The following ALG2 variants were observed in gnomAD, a reference collection of about 807,000 sequenced individuals.
ALG2 encodes ALG2 alpha-1,3/1,6-mannosyltransferase, also known as alpha-1,3/1,6-mannosyltransferase ALG2.
A neutral mutation model predicts 30.5 loss-of-function variants in ALG2; 32 were observed. The ratio of observed to expected loss-of-function variants is 1.05; its 90% CI spans 0.79 to 1.41. ALG2 has a LOEUF of 1.41. Ranked by LOEUF, ALG2 falls within the 40% of genes most tolerant of loss-of-function variation. The pLI is 0.00. For synonymous variants in ALG2, 253 were observed against 224.8 expected, an observed-to-expected ratio of 1.13 and a Z score of -1.12; for missense variants, 574 against 526.4, an observed-to-expected ratio of 1.09 and a Z score of -0.88.
chr9:99,217,488 G>C lies in ALG2; in HGVS notation c.*446C>G. 2.2e-6 allele frequency: 1 copy of C among 454,784 alleles called. No homozygotes were observed. Among genetic ancestry groups the C allele is most frequent in the South Asian group, 1.6e-5 (1 of 64,472 alleles). The allele number at this position is 454,784 out of a possible 1,614,324, so 28.2% of individuals were successfully genotyped here. On this transcript the variant is annotated 3_prime_UTR_variant, in exon 2 of 2. Coordinates refer to ENST00000476832, the MANE Select transcript of ALG2 (RefSeq NM_033087.4). ...CAGGACAAACAAAAATTCCCTAACAGATGACAGTGAACACTTCGGTGGATT... is the reference window on the plus strand; with the variant it reads ...CAGGACAAACAAAAATTCCCTAACACATGACAGTGAACACTTCGGTGGATT...
At position 99,218,790 on chromosome 9, in the gene ALG2, T is replaced by A; in HGVS notation, c.395A>T (p.Lys132Met). The change falls in exon 2 of 2, where the codon AAG becomes ATG. Residue 132 changes from lysine to methionine, a missense_variant. Coordinates refer to ENST00000476832, the MANE Select transcript of ALG2 (RefSeq NM_033087.4). ...TGGGAAGTGACAGTAAAATAGGATC[T>A]TCTTCCGCCGTCTAGCCAGCCTGAA... is the stretch of plus-strand genomic sequence containing the variant. ...PVFRLARRRKKILFYCHFPDL... is the reference protein window; with the variant it reads ...PVFRLARRRKMILFYCHFPDL... 6.2e-6 allele frequency: 10 copies of A among 1,610,758 alleles called. No homozygotes were observed. The highest frequency in any genetic ancestry group is 8.5e-6 in the Non-Finnish European group (10 of 1,180,018).
chr9:99,220,677 G>C (rs1246384109), intron 1 of ALG2, among the ~76,000 whole-genome samples: 2 of 152,074 alleles, frequency 1.3e-5, no homozygotes, highest in African/African-American at 4.8e-5. Context: ...TGCTGAAAAA[G>C]ATGCCTAATA....
intron 1 of ALG2, 104 bp from the exon 2 acceptor site, chr9:99,218,940 T>A (rs943011983): frequency 8.1e-7 from 1 of 1,230,108 alleles, no homozygotes; most frequent in African/African-American, 1.5e-5. Context: ...GGGCTCCTCA[T>A]GGGCAATGTC....
chr9:99,218,766 G>A lies in ALG2; in HGVS notation c.419C>T (p.Pro140Leu). The A allele has an allele frequency of 1.2e-6, 2 of 1,613,576 alleles. No individual in the cohort carries two copies. The highest frequency in any genetic ancestry group is 1.7e-6 in the Non-Finnish European group (2 of 1,180,028). The change falls in exon 2 of 2, where the codon CCA (proline) becomes CTA (leucine). Residue 140 changes from proline (P) to leucine (L), a missense_variant. Physicochemically the swap from Pro to Leu is moderately conservative, Grantham distance 98 (BLOSUM62 -3). Transcript: ENST00000476832. ...RKKILFYCHF[P>L]DLLLTKRDSF... Reference sequence around the variant, plus strand: ...ATCTCTCTTGGTGAGAAGCAGATCTGGGAAGTGACAGTAAAATAGGATCTT... The same window carrying A: ...ATCTCTCTTGGTGAGAAGCAGATCTAGGAAGTGACAGTAAAATAGGATCTT...
intron 1 of ALG2, chr9:99,221,155 A>G (rs1828793066): frequency 7.3e-7 from 1 of 1,364,856 alleles, no homozygotes; most frequent in Non-Finnish European, 9.7e-7. Flanking sequence ...GAGAGTCAAC[A>G]AAAATAACAG....
Position 99,216,732 on chromosome 9 carries a change from G to A in ALG2, c.*1202C>T, listed in dbSNP as rs565984629. The A allele has an allele frequency of 1.8e-5, 8 of 452,210 alleles. No individual in the cohort carries two copies. The East Asian group carries it at 2.1e-4, about 12-fold the overall frequency. The allele number at this position is 452,210 out of a possible 1,614,324, so 28.0% of individuals were successfully genotyped here. A position where few individuals can be genotyped will look rare whatever the true frequency, so the allele number is the denominator to read the frequency against. On this transcript the variant is annotated 3_prime_UTR_variant, in exon 2 of 2. Transcript: ENST00000476832. Reference sequence around the variant, plus strand: ...AATATTATCATAATCTGTTATAACCGCACTATGAGGAAAGTAGAATAGTAC... The same window carrying A: ...AATATTATCATAATCTGTTATAACCACACTATGAGGAAAGTAGAATAGTAC...
Position 99,216,924 on chromosome 9 carries a change from T to A in ALG2, c.*1010A>T, listed in dbSNP as rs1828702411. 1 of 454,006 alleles carries A rather than the reference T, an allele frequency of 2.2e-6. No homozygotes were observed. The allele number at this position is 454,006 out of a possible 1,614,324, so 28.1% of individuals were successfully genotyped here. A position where few individuals can be genotyped will look rare whatever the true frequency, so the allele number is the denominator to read the frequency against. On this transcript the variant is annotated 3_prime_UTR_variant, in exon 2 of 2. Coordinates refer to ENST00000476832, the MANE Select transcript of ALG2 (RefSeq NM_033087.4). ...AAATGAATTTAGCCTTAGAAGTATG[T>A]TGAAAACTACTGTTTATGATTTGCT...
rs573607342 is a variant in ALG2, at chr9:99,217,079, C to T, written c.*855G>A. ...GAGGTGGCCAGAGGGTCAAAGAAAG[C>T]TTTGCAGCAGTGGCATTTGAGCCAG... On this transcript the variant is annotated 3_prime_UTR_variant, in exon 2 of 2. Coordinates refer to ENST00000476832, the MANE Select transcript of ALG2 (RefSeq NM_033087.4). 4.4e-6 allele frequency: 2 copies of T among 454,114 alleles called. No homozygotes were observed. The highest frequency in any genetic ancestry group is 4.0e-5 in the African/African-American group (2 of 50,124). The allele number at this position is 454,114 out of a possible 1,614,324, so 28.1% of individuals were successfully genotyped here. A position where few individuals can be genotyped will look rare whatever the true frequency, so the allele number is the denominator to read the frequency against.
rs377047079 is a variant in ALG2, at chr9:99,218,736, A to G, written c.449T>C (p.Phe150Ser). The change falls in exon 2 of 2, where the codon TTT (phenylalanine) becomes TCT (serine). Residue 150 changes from phenylalanine to serine, a missense_variant. Coordinates refer to ENST00000476832, the MANE Select transcript of ALG2 (RefSeq NM_033087.4). ...TGGGGCCCTGTATAGTCGTTTAAGAAAAGAATCTCTCTTGGTGAGAAGCAG... is the reference window on the plus strand; with the variant it reads ...TGGGGCCCTGTATAGTCGTTTAAGAGAAGAATCTCTCTTGGTGAGAAGCAG... The part of the protein sequence containing the change: ...PDLLLTKRDS[F>S]LKRLYRAPID... The G allele has an allele frequency of 5.2e-5, 84 of 1,614,018 alleles. No homozygotes were observed. Among genetic ancestry groups the G allele is most frequent in the Admixed American group, 8.3e-5 (5 of 60,008 alleles).
rs1453893455 is a variant in ALG2, at chr9:99,217,793, G to T, written c.*141C>A. On this transcript the variant is annotated 3_prime_UTR_variant, in exon 2 of 2. Coordinates refer to ENST00000476832, the MANE Select transcript of ALG2 (RefSeq NM_033087.4). ...AGTGGACAGGGAGGTGTGGTATATAGGAAAGTGGCTCACATTCAAGACTCA... is the reference window on the plus strand; with the variant it reads ...AGTGGACAGGGAGGTGTGGTATATATGAAAGTGGCTCACATTCAAGACTCA... The T allele has an allele frequency of 4.4e-6, 4 of 908,026 alleles. No individual in the cohort carries two copies. The highest frequency in any genetic ancestry group is 7.0e-6 in the Non-Finnish European group (4 of 570,388). The allele number at this position is 908,026 out of a possible 1,614,324, so 56.2% of individuals were successfully genotyped here.
intron 1 of ALG2, among the ~76,000 whole-genome samples, chr9:99,219,265 A>C (rs993588339): frequency 6.6e-6 from 1 of 152,224 alleles, no homozygotes; most frequent in African/African-American, 2.4e-5. Flanking sequence ...TAACTTTAGC[A>C]CATCTCAGTT....
At chr9:99,221,343 G>A (rs989885883) in intron 1 of ALG2, among the ~76,000 whole-genome samples, 3 of 152,190 alleles carry the variant, frequency 2.0e-5, no homozygotes, top group Non-Finnish European at 4.4e-5. Flanking sequence ...CTTCCTGGAG[G>A]ATGGAACCCC....
intron 1 of ALG2, 28 bp downstream of exon 1, chr9:99,221,519 C>G (rs1265746423): frequency 1.1e-5 from 17 of 1,539,696 alleles, no homozygotes; most frequent in Non-Finnish European, 1.5e-5. Flanking sequence ...GGTCCGCACT[C>G]GCGCAGCCGG....
At position 99,218,377 on chromosome 9, in the gene ALG2, A is replaced by G. The variant is rs1452690081; in HGVS notation, c.808T>C (p.Tyr270His). ...ACATTCTCCAGGACTCTCTCGTCAT[A>G]ACCACCTGCCACGATCAGATGAACC... ...ERVHLIVAGG[Y>H]DERVLENVEH... Residue 270 changes from tyrosine (Y) to histidine (H), a missense_variant, in exon 2 of 2, where the codon TAT becomes CAT. By Grantham distance (83) the Tyr-to-His change is moderately conservative. Coordinates refer to ENST00000476832, the MANE Select transcript of ALG2 (RefSeq NM_033087.4). 6 of 1,614,196 alleles carry G rather than the reference A, an allele frequency of 3.7e-6. No homozygotes were observed. The highest frequency in any genetic ancestry group is 4.2e-6 in the Non-Finnish European group (5 of 1,180,036).
chr9:99,217,138 C>A lies in ALG2; in HGVS notation c.*796G>T. The A allele has an allele frequency of 2.2e-6, 1 of 454,108 alleles. No individual in the cohort carries two copies. Among genetic ancestry groups the A allele is most frequent in the Non-Finnish European group, 4.4e-6 (1 of 226,782 alleles). 28.1% of individuals were successfully genotyped at this position (454,108 alleles called of 1,614,324 possible). A position where few individuals can be genotyped will look rare whatever the true frequency, so the allele number is the denominator to read the frequency against. ...AGATAAAAAACATTTGTGTCCTATA[C>A]TTAGTAGGAGCTTGGTCAAGACAAC... On this transcript the variant is annotated 3_prime_UTR_variant, in exon 2 of 2. Coordinates refer to ENST00000476832, the MANE Select transcript of ALG2 (RefSeq NM_033087.4).
rs776181833 is a variant in ALG2, at chr9:99,216,688, C to G, written c.*1246G>C. Reference sequence around the variant, plus strand: ...AATAGCTAATATATATACTATATGCCAAGTATTAAGTACTTTGTAATATTA... The same window carrying G: ...AATAGCTAATATATATACTATATGCGAAGTATTAAGTACTTTGTAATATTA... On this transcript the variant is annotated 3_prime_UTR_variant, in exon 2 of 2. Coordinates refer to ENST00000476832, the MANE Select transcript of ALG2 (RefSeq NM_033087.4). 8.9e-6 allele frequency: 4 copies of G among 451,018 alleles called. No individual in the cohort carries two copies. The highest frequency in any genetic ancestry group is 1.8e-5 in the Non-Finnish European group (4 of 225,140). 27.9% of individuals were successfully genotyped at this position (451,018 alleles called of 1,614,324 possible). A position where few individuals can be genotyped will look rare whatever the true frequency, so the allele number is the denominator to read the frequency against.
rs748614294 is a variant in ALG2, at chr9:99,218,800, G to A, written c.385C>T (p.Arg129Trp). 1.9e-5 allele frequency: 31 copies of A among 1,608,278 alleles called. No homozygotes were observed. The East Asian group carries it at 2.0e-4, about 10-fold the overall frequency. Residue 129 changes from arginine to tryptophan, a missense_variant, in exon 2 of 2, where the codon CGG (arginine) becomes TGG (tryptophan). Arg to Trp is a moderately radical substitution (Grantham distance 101, BLOSUM62 -3). Transcript: ENST00000476832. ...ACIPVFRLAR[R>W]RKKILFYCHF... ...CAGTAAAATAGGATCTTCTTCCGCC[G>A]TCTAGCCAGCCTGAACACTGGGATA... is the stretch of plus-strand genomic sequence containing the variant.
In ALG2 at chr9:99,221,706, G is replaced by A. The variant is rs756804364; in HGVS notation, c.189C>T (p.Ser63=). ...CGGCACAGCGCACCGGTAGCTCGCGGCTCTCGGCGAAACAGTGGCCCGGGT... is the reference window on the plus strand; with the variant it reads ...CGGCACAGCGCACCGGTAGCTCGCGACTCTCGGCGAAACAGTGGCCCGGGT... ...HYDPGHCFAE[S]RELPVRCAGD... The change falls in exon 1 of 2, where the codon AGC becomes AGT. Residue 63 remains serine (S), a synonymous_variant. Coordinates refer to ENST00000476832, the MANE Select transcript of ALG2 (RefSeq NM_033087.4). 17 of 1,591,272 alleles carry A rather than the reference G, an allele frequency of 1.1e-5. No individual in the cohort carries two copies. The highest frequency in any genetic ancestry group is 1.4e-5 in the Non-Finnish European group (17 of 1,175,844).
intron 1 of ALG2, 65 bp from the exon 2 acceptor site, chr9:99,218,901 C>T: frequency 1.3e-6 from 2 of 1,568,854 alleles, no homozygotes; most frequent in Non-Finnish European, 1.7e-6. Flanking sequence ...ACCAAAAACA[C>T]AGACACCCAC....
Sources: gnomAD v4.1 joint callset for allele counts (sites outside exome capture counted in the v4.1 genomes callset) on GRCh38, gnomAD v4.1.1 for gene constraint, MANE v1.5 for transcripts, NCBI Gene and HGNC (gene_info 2026-07-23, HGNC 2026-07-21) for gene names.